Variants in ADIPOR2 observed in about 807,000 individuals in gnomAD.
ADIPOR2 encodes adiponectin receptor 2.
A neutral mutation model predicts 40.9 loss-of-function variants in ADIPOR2; 18 were observed. The ratio of observed to expected loss-of-function variants is 0.44; its 90% confidence interval spans 0.30 to 0.65. The LOEUF (loss-of-function observed/expected upper bound fraction) is 0.65, where lower values mean the gene tolerates loss of function less well. Among genes scored for constraint, ADIPOR2 ranks in the 30% least tolerant of loss-of-function variants. ADIPOR2 has a pLI of 0.09. For missense variants in ADIPOR2, 283 were observed against 479.2 expected, an observed-to-expected ratio of 0.59 and a Z score of 3.82; for synonymous variants, 165 against 166.4, an observed-to-expected ratio of 0.99 and a Z score of 0.06.
At chr12:1,693,060 C>T (rs1057279572) in intron 1 of ADIPOR2, among the ~76,000 whole-genome samples, 3 of 152,018 alleles carry the variant, frequency 2.0e-5, no homozygotes, top group African/African-American at 7.3e-5. Context: ...GAGGCTGAGG[C>T]AGGAGAATCG....
chr12:1,743,636 C>G (rs2094748523), intron 1 of ADIPOR2, among the ~76,000 whole-genome samples: 1 of 152,136 alleles, frequency 6.6e-6, no homozygotes, highest in African/African-American at 2.4e-5. Context: ...GATTGTGCCA[C>G]TGCACTCCAG....
intron 1 of ADIPOR2, among the ~76,000 whole-genome samples, chr12:1,715,871 C>T (rs1407127449): frequency 1.3e-5 from 2 of 152,100 alleles, no homozygotes; most frequent in African/African-American, 4.8e-5. Context: ...TAAAATGGAC[C>T]AATCAGTGCC....
chr12:1,743,294 AGAGC>A (rs111801167), intron 1 of ADIPOR2, among the ~76,000 whole-genome samples: 49,353 of 127,592 alleles, frequency 0.39, 11,817 homozygotes, highest in Non-Finnish European at 0.52. Flanking sequence ...CCTGGGTAAC[AGAGC>A]GAGACGCTGT....
At chr12:1,749,911 A>G (rs1385270665) in intron 1 of ADIPOR2, among the ~76,000 whole-genome samples, 1 of 143,610 alleles carries the variant, frequency 7.0e-6, no homozygotes, top group East Asian at 2.0e-4. Flanking sequence ...ATCATAGTTC[A>G]CTGCAGCCTC....
At chr12:1,756,452 C>CTTTTT (rs71055194) in intron 2 of ADIPOR2, among the ~76,000 whole-genome samples, 1 of 132,408 alleles carries the variant, frequency 7.6e-6, no homozygotes, top group Non-Finnish European at 1.6e-5. Context: ...GCCTGGCCTT[C>CTTTTT]TTTTTTTTTT....
rs149012422 is a variant in ADIPOR2, at chr12:1,705,065, G to A, written c.-87+13874G>A. Among the ~76,000 whole-genome samples the A allele has an allele frequency of 8.2e-4, 125 of 152,258 alleles. 1 individual carries two copies. Among genetic ancestry groups the A allele is most frequent in the African/African-American group, 2.8e-3 (117 of 41,540 alleles). ...TTGTGCTCTGGAGGGTAATATGTGA[G>A]ATGAGATAGAGCCCCGAATGATTGT... On this transcript the variant is annotated intron_variant, in intron 1 of 7. Coordinates refer to ENST00000357103, the MANE Select transcript of ADIPOR2 (RefSeq NM_024551.3).
At chr12:1,726,076 A>G (rs531772408) in intron 1 of ADIPOR2, among the ~76,000 whole-genome samples, 1 of 152,330 alleles carries the variant, frequency 6.6e-6, no homozygotes, top group South Asian at 2.1e-4. Flanking sequence ...TAAGTTTAAC[A>G]ATTTCTTCAG....
In ADIPOR2 at chr12:1,746,672, G is replaced by C. The variant is rs536090745; in HGVS notation, c.-86-7586G>C. Reference sequence around the variant, plus strand: ...AACAGACAGATCTAAAATAATAACTGGAGACTTTAATATGCCACTTTCAAT... The same window carrying C: ...AACAGACAGATCTAAAATAATAACTCGAGACTTTAATATGCCACTTTCAAT... On this transcript the variant is annotated intron_variant, in intron 1 of 7. Coordinates refer to ENST00000357103, the MANE Select transcript of ADIPOR2 (RefSeq NM_024551.3). Among the ~76,000 whole-genome samples the C allele has an allele frequency of 1.8e-3, 281 of 152,208 alleles. 1 individual carries two copies. The highest frequency in any genetic ancestry group is 3.5e-3 in the Admixed American group (54 of 15,288).
At chr12:1,739,611 C>G (rs2094738279) in intron 1 of ADIPOR2, among the ~76,000 whole-genome samples, 1 of 152,190 alleles carries the variant, frequency 6.6e-6, no homozygotes, top group Admixed American at 6.5e-5. Flanking sequence ...TATTGTCTGA[C>G]TACTTTTGTG....
intron 1 of ADIPOR2, among the ~76,000 whole-genome samples, chr12:1,752,853 G>C (rs145941687): frequency 6.6e-6 from 1 of 152,114 alleles, no homozygotes; most frequent in Non-Finnish European, 1.5e-5. Context: ...TTAAATAGAA[G>C]CCATTATTCT....
intron 1 of ADIPOR2, among the ~76,000 whole-genome samples, chr12:1,726,545 C>A (rs2094708393): frequency 6.6e-6 from 1 of 152,138 alleles, no homozygotes; most frequent in Non-Finnish European, 1.5e-5. Flanking sequence ...AGGAAGGCAA[C>A]CTGGTGTGAC....
At chr12:1,777,707 CATT>C (rs1348612713) in intron 3 of ADIPOR2, 144 bp from the exon 4 acceptor site, 5 of 755,238 alleles carry the variant, frequency 6.6e-6, no homozygotes, top group African/African-American at 3.6e-5. Flanking sequence ...GAATATAAGA[CATT>C]ATACATTTTG....
chr12:1,781,067 G>C lies in ADIPOR2; in HGVS notation c.829G>C (p.Val277Leu). The change falls in exon 6 of 8, where the codon GTA (valine) becomes CTA (leucine). Residue 277 changes from valine to leucine, a missense_variant. This residue lies in a region of ADIPOR2 where 106 missense variants were observed against 149.7 expected (regional missense o/e 0.71). Coordinates refer to ENST00000357103, the MANE Select transcript of ADIPOR2 (RefSeq NM_024551.3). ...GTTTGCCACCCCTCAGTATCGGGGAGTAAGAGCAGGTAAGAGCACGGGGAG... is the reference window on the plus strand; with the variant it reads ...GTTTGCCACCCCTCAGTATCGGGGACTAAGAGCAGGTAAGAGCACGGGGAG... ...DMFATPQYRG[V>L]RAGVFLGLGL... The C allele has an allele frequency of 6.3e-7, 1 of 1,585,500 alleles. No individual in the cohort carries two copies. Among genetic ancestry groups the C allele is most frequent in the Non-Finnish European group, 8.6e-7 (1 of 1,168,144 alleles).
At chr12:1,695,483 C>T (rs1370159859) in intron 1 of ADIPOR2, among the ~76,000 whole-genome samples, 2 of 151,266 alleles carry the variant, frequency 1.3e-5, no homozygotes, top group Non-Finnish European at 2.9e-5. Context: ...AATGAAACCC[C>T]CTCTCTACCA....
chr12:1,733,007 T>G (rs1409625194), intron 1 of ADIPOR2, among the ~76,000 whole-genome samples: 1 of 152,200 alleles, frequency 6.6e-6, no homozygotes, highest in Non-Finnish European at 1.5e-5. Context: ...ATTCTTGATA[T>G]GCAGTAAAGT....
At chr12:1,755,904 T>G (rs189880463) in intron 2 of ADIPOR2, among the ~76,000 whole-genome samples, 421 of 152,260 alleles carry the variant, frequency 2.8e-3, no homozygotes, top group Admixed American at 8.6e-3. Flanking sequence ...TATATAGTTA[T>G]GTATATAAAT....
At chr12:1,757,709 A>G in intron 2 of ADIPOR2, 1 of 1,314,454 alleles carries the variant, frequency 7.6e-7, no homozygotes, top group Non-Finnish European at 1.1e-6. Flanking sequence ...TTGGTGTCAT[A>G]GATGAGACGG....
intron 1 of ADIPOR2, among the ~76,000 whole-genome samples, chr12:1,750,878 C>A (rs1035980780): frequency 6.6e-6 from 1 of 151,974 alleles, no homozygotes; most frequent in African/African-American, 2.4e-5. Context: ...ATATAATCTG[C>A]AAATAGTTAC....
At chr12:1,756,561 C>G (rs1862137905) in intron 2 of ADIPOR2, among the ~76,000 whole-genome samples, 1 of 150,246 alleles carries the variant, frequency 6.7e-6, no homozygotes, top group Non-Finnish European at 1.5e-5. Context: ...AGTCAGAGAA[C>G]AGATTATACA....
Sources: allele counts gnomAD v4.1 joint callset (sites outside exome capture counted in the v4.1 genomes callset), GRCh38; gene constraint gnomAD v4.1.1; regional missense constraint gnomAD v4.1.1; transcripts MANE v1.5; gene names NCBI Gene and HGNC (gene_info 2026-07-23, HGNC 2026-07-21).